DPP10: variants seen among roughly 807,000 people sequenced by gnomAD.
The protein encoded by DPP10 is inactive dipeptidyl peptidase 10.
DPP10 carries 33 observed loss-of-function variants against 120.9 expected under a neutral mutation model. That is an observed-to-expected ratio of 0.27 (90% CI 0.21 to 0.37). The LOEUF is 0.37. Among genes scored for constraint, DPP10 ranks in the 10% least tolerant of loss-of-function variants. The pLI is 1.00. For missense variants in DPP10, 816 were observed against 942.8 expected, an observed-to-expected ratio of 0.87 and a Z score of 1.76; for synonymous variants, 337 against 326.1, an observed-to-expected ratio of 1.03 and a Z score of -0.36.
At chr2:115,140,926 G>A (rs201161203) in intron 1 of DPP10, among the ~76,000 whole-genome samples, 32 of 137,660 alleles carry the variant, frequency 2.3e-4, no homozygotes, top group South Asian at 4.8e-4. Flanking sequence ...TGCTTATCTT[G>A]AAAAAAAAAA....
At chr2:114,455,285 C>A (rs998106887) in intron 1 of DPP10, among the ~76,000 whole-genome samples, 3 of 151,996 alleles carry the variant, frequency 2.0e-5, no homozygotes, top group African/African-American at 7.3e-5. Context: ...TGGCTCACGC[C>A]TGTAATCCCA....
At chr2:115,127,843 T>C (rs934321855) in intron 1 of DPP10, among the ~76,000 whole-genome samples, 8 of 152,174 alleles carry the variant, frequency 5.3e-5, no homozygotes. Flanking sequence ...TGTGTGAACA[T>C]GTGTACACTT....
intron 1 of DPP10, among the ~76,000 whole-genome samples, chr2:115,062,234 C>G (rs1056108663): frequency 2.6e-5 from 4 of 151,262 alleles, no homozygotes; most frequent in African/African-American, 9.7e-5. Flanking sequence ...CTCTTTGAGT[C>G]TAATGTCAAA....
At chr2:115,678,271 G>A (rs1369455612) in intron 5 of DPP10, among the ~76,000 whole-genome samples, 2 of 152,232 alleles carry the variant, frequency 1.3e-5, no homozygotes, top group East Asian at 1.9e-4. Context: ...TCACAGGCCT[G>A]GAGGCTTAGG....
chr2:115,744,752 G>T (rs1409435735), intron 9 of DPP10, among the ~76,000 whole-genome samples: 1 of 150,438 alleles, frequency 6.6e-6, no homozygotes, highest in Non-Finnish European at 1.5e-5. Context: ...TTCTGGTCCT[G>T]ATTTAACTAT....
At chr2:115,615,915 A>G (rs1575343754) in intron 5 of DPP10, among the ~76,000 whole-genome samples, 1 of 152,180 alleles carries the variant, frequency 6.6e-6, no homozygotes, top group East Asian at 1.9e-4. Flanking sequence ...GATATATGGA[A>G]TTAGTTTGAG....
At chr2:115,698,375 G>A (rs948648520) in intron 7 of DPP10, among the ~76,000 whole-genome samples, 5 of 152,192 alleles carry the variant, frequency 3.3e-5, no homozygotes, top group African/African-American at 9.7e-5. Context: ...TAAGCGGGAA[G>A]TAGCTATATA....
intron 1 of DPP10, among the ~76,000 whole-genome samples, chr2:114,739,217 C>T (rs1043536042): frequency 6.6e-6 from 1 of 152,116 alleles, no homozygotes. Flanking sequence ...GAGAGATTTA[C>T]GTGCAGGGGA....
chr2:114,743,863 G>C (rs1235559082), intron 1 of DPP10, among the ~76,000 whole-genome samples: 1 of 152,004 alleles, frequency 6.6e-6, no homozygotes, highest in Non-Finnish European at 1.5e-5. Flanking sequence ...GTCTTGTCTT[G>C]GTGGTGGATG....
intron 3 of DPP10, among the ~76,000 whole-genome samples, chr2:115,489,078 CAATT>C (rs965505210): frequency 6.6e-6 from 1 of 151,936 alleles, no homozygotes; most frequent in African/African-American, 2.4e-5. Context: ...ATGAGGCAAA[CAATT>C]AATAGGCTAA....
At chr2:115,678,387 G>A (rs185158346) in intron 5 of DPP10, among the ~76,000 whole-genome samples, 32 of 152,352 alleles carry the variant, frequency 2.1e-4, no homozygotes, top group Middle Eastern at 3.4e-3. Flanking sequence ...AAAAGGGGCC[G>A]CGGCACAGCT....
chr2:115,265,752 A>G (rs1051173848), intron 1 of DPP10, among the ~76,000 whole-genome samples: 1 of 152,058 alleles, frequency 6.6e-6, no homozygotes, highest in Non-Finnish European at 1.5e-5. Context: ...ATTAAATGCC[A>G]AATAAATAGT....
chr2:115,427,309 C>T (rs1462841467), intron 3 of DPP10, among the ~76,000 whole-genome samples: 2 of 152,212 alleles, frequency 1.3e-5, no homozygotes, highest in East Asian at 3.9e-4. Context: ...TTCCCCATAG[C>T]ACTACCCTGG....
intron 5 of DPP10, among the ~76,000 whole-genome samples, chr2:115,641,316 G>T (rs777369829): frequency 6.6e-6 from 1 of 152,086 alleles, no homozygotes; most frequent in Non-Finnish European, 1.5e-5. Flanking sequence ...CGGCATCAAG[G>T]CCCCGCGTGA....
rs896774380 is a variant in DPP10 at position 114,499,065 on chromosome 2, T to A, written c.60+56227T>A. Reference sequence around the variant, plus strand: ...GCCAGGAACAGAAAGACAAATCCCATAGTCCTGAAGTCAAATTTTTGCTGC... The same window carrying A: ...GCCAGGAACAGAAAGACAAATCCCAAAGTCCTGAAGTCAAATTTTTGCTGC... On this transcript the variant is annotated intron_variant, in intron 1 of 25. Transcript: ENST00000410059. 2.6e-5 allele frequency among the ~76,000 whole-genome samples: 4 copies of A among 152,196 alleles called. No homozygotes were observed. In the East Asian group the frequency reaches 7.7e-4, roughly 29 times the overall value.
chr2:115,779,248 A>T (rs1441126513), intron 15 of DPP10, among the ~76,000 whole-genome samples: 4 of 152,118 alleles, frequency 2.6e-5, no homozygotes, highest in Admixed American at 1.3e-4. Context: ...CAGTCAATGT[A>T]TCTCTGACAT....
intron 5 of DPP10, among the ~76,000 whole-genome samples, chr2:115,558,463 G>C (rs1303672156): frequency 1.3e-5 from 2 of 152,102 alleles, no homozygotes. Flanking sequence ...GTACATTTCA[G>C]CGTTTGCTAA....
At chr2:115,766,324 ATG>A (rs71943382) in intron 12 of DPP10, among the ~76,000 whole-genome samples, 44,724 of 95,826 alleles carry the variant, frequency 0.47, 11,949 homozygotes, top group Middle Eastern at 0.66. Context: ...ATATATATAT[ATG>A]TATATATATA....
chr2:115,642,370 G>A (rs1258277434), intron 5 of DPP10, among the ~76,000 whole-genome samples: 1 of 152,060 alleles, frequency 6.6e-6, no homozygotes, highest in Non-Finnish European at 1.5e-5. Flanking sequence ...CAAGGTGGGT[G>A]GGCTCATCCA....
Sources: allele counts gnomAD v4.1 joint callset (sites outside exome capture counted in the v4.1 genomes callset), GRCh38; gene constraint gnomAD v4.1.1; transcripts MANE v1.5; gene names NCBI Gene and HGNC (gene_info 2026-07-23, HGNC 2026-07-21).